Variants in SCAPER observed in about 807,000 individuals in gnomAD.
SCAPER encodes the protein S-phase cyclin A associated protein in the ER, also known as S phase cyclin A-associated protein in the endoplasmic reticulum.
SCAPER carries 98 observed loss-of-function variants against 182.2 expected under a neutral mutation model. That is an observed-to-expected ratio of 0.54 (90% CI 0.46 to 0.64). The LOEUF (loss-of-function observed/expected upper bound fraction) is 0.64. SCAPER is among the 30% of genes least tolerant of loss of function. SCAPER has a pLI of 0.00. For synonymous variants in SCAPER, 605 were observed against 564.6 expected (o/e 1.07, Z -1.01); for missense variants, 1,432 against 1,690.0 (o/e 0.85, Z 2.68).
chr15:76,800,440 T>C, intron 6 of SCAPER, 76 bp from the exon 7 acceptor site: 3 of 927,936 alleles, frequency 3.2e-6, no homozygotes, highest in East Asian at 2.4e-5. Context: ...TCTTGGTTGT[T>C]AGTGGCTGAA....
chr15:76,388,488 A>G (rs1244013042), intron 27 of SCAPER, among the ~76,000 whole-genome samples: 1 of 152,154 alleles, frequency 6.6e-6, no homozygotes, highest in East Asian at 1.9e-4. Flanking sequence ...GAGAACATCT[A>G]AAAGTGAAGT....
At chr15:76,470,514 T>A (rs157780) in intron 25 of SCAPER, among the ~76,000 whole-genome samples, 1 of 152,208 alleles carries the variant, frequency 6.6e-6, no homozygotes, top group Non-Finnish European at 1.5e-5. Context: ...AAAAGTACAT[T>A]GGTTCTGAAA....
At chr15:76,493,062 G>A (rs2052483302) in intron 24 of SCAPER, among the ~76,000 whole-genome samples, 1 of 152,002 alleles carries the variant, frequency 6.6e-6, no homozygotes, top group South Asian at 2.1e-4. Context: ...GGGATAGTAG[G>A]GAGAACCACC....
intron 20 of SCAPER, among the ~76,000 whole-genome samples, chr15:76,698,336 A>T (rs573942387): frequency 1.3e-5 from 2 of 152,314 alleles, no homozygotes; most frequent in Admixed American, 6.5e-5. Context: ...AATAACCTTA[A>T]CTATATGTCA....
At chr15:76,543,803 C>G (rs1456143609) in intron 23 of SCAPER, among the ~76,000 whole-genome samples, 1 of 152,114 alleles carries the variant, frequency 6.6e-6, no homozygotes, top group Non-Finnish European at 1.5e-5. Flanking sequence ...AGATATGACA[C>G]CAAAACCATC....
intron 21 of SCAPER, among the ~76,000 whole-genome samples, chr15:76,646,961 C>T (rs2054599337): frequency 6.6e-6 from 1 of 152,154 alleles, no homozygotes; most frequent in Admixed American, 6.5e-5. Flanking sequence ...GGCAGACCAT[C>T]ATGCCTTGAG....
chr15:76,561,419 C>A (rs955441225), intron 23 of SCAPER, among the ~76,000 whole-genome samples: 1 of 151,960 alleles, frequency 6.6e-6, no homozygotes, highest in African/African-American at 2.4e-5. Context: ...TATATACTAC[C>A]TTTCTTCAAG....
intron 26 of SCAPER, among the ~76,000 whole-genome samples, chr15:76,423,986 AGTTT>A (rs2046239765): frequency 6.6e-6 from 1 of 152,164 alleles, no homozygotes; most frequent in African/African-American, 2.4e-5. Flanking sequence ...TCTGAGAGAC[AGTTT>A]GTTATAATTT....
chr15:76,834,549 C>T (rs1167694819), intron 5 of SCAPER, among the ~76,000 whole-genome samples: 1 of 151,954 alleles, frequency 6.6e-6, no homozygotes, highest in East Asian at 1.9e-4. Flanking sequence ...CACCACCATA[C>T]TAATAAGGAA....
intron 27 of SCAPER, among the ~76,000 whole-genome samples, chr15:76,390,997 T>A (rs984402891): frequency 5.3e-5 from 8 of 152,184 alleles, no homozygotes; most frequent in Non-Finnish European, 1.2e-4. Flanking sequence ...CTGTTTAAAA[T>A]CCTCCAGTGG....
chr15:76,387,778 A>G (rs1213433374), intron 27 of SCAPER, among the ~76,000 whole-genome samples: 1 of 152,218 alleles, frequency 6.6e-6, no homozygotes, highest in Non-Finnish European at 1.5e-5. Flanking sequence ...AAAACAGGAG[A>G]AAATATACAC....
chr15:76,883,623 G>A (rs1285889168), intron 2 of SCAPER, among the ~76,000 whole-genome samples, 189 bp downstream of exon 2: 3 of 152,190 alleles, frequency 2.0e-5, no homozygotes, highest in Non-Finnish European at 2.9e-5. Flanking sequence ...CAAGCCTGAG[G>A]AGCAGCAGGG....
chr15:76,373,932 A>G (rs16968148), intron 29 of SCAPER, among the ~76,000 whole-genome samples: 1,598 of 151,454 alleles, frequency 0.011, 37 homozygotes, highest in African/African-American at 0.037. Flanking sequence ...TTCTCAGGAA[A>G]GCAATTTCAG....
intron 17 of SCAPER, among the ~76,000 whole-genome samples, chr15:76,726,589 C>G (rs1192078723): frequency 6.6e-6 from 1 of 151,922 alleles, no homozygotes; most frequent in African/African-American, 2.4e-5. Context: ...AAGGTAGAAG[C>G]AACTCAAGTT....
At chr15:76,649,254 C>T (rs1199421869) in intron 21 of SCAPER, among the ~76,000 whole-genome samples, 1 of 152,098 alleles carries the variant, frequency 6.6e-6, no homozygotes, top group Non-Finnish European at 1.5e-5. Context: ...CTTCAATAGT[C>T]AGACTCAGTC....
chr15:76,570,995 G>T (rs1157370531), intron 23 of SCAPER, among the ~76,000 whole-genome samples: 1 of 152,062 alleles, frequency 6.6e-6, no homozygotes, highest in African/African-American at 2.4e-5. Flanking sequence ...TCATGATTAT[G>T]TGATGGAGTA....
chr15:76,755,361 G>GA (rs1483843826), intron 14 of SCAPER, among the ~76,000 whole-genome samples: 2 of 152,134 alleles, frequency 1.3e-5, no homozygotes, highest in Non-Finnish European at 2.9e-5. Context: ...GTATTCAACA[G>GA]AATCGTGTGC....
In SCAPER at chr15:76,771,914, C is replaced by T. The variant is rs1240923916; in HGVS notation, c.1076G>A (p.Ser359Asn). 1.9e-6 allele frequency: 3 copies of T among 1,612,260 alleles called. No individual in the cohort carries two copies. The highest frequency in any genetic ancestry group is 3.3e-5 in the Admixed American group (2 of 60,006). ...STLDDVKNSGSIRDNYVRTSE... is the reference protein window; with the variant it reads ...STLDDVKNSGNIRDNYVRTSE... ...AGTTCGAACATAATTGTCTCGAATA[C>T]TGCCAGAATTCTTCACATCATCCAA... The change falls in exon 10 of 32, where the codon AGT becomes AAT. Residue 359 changes from serine to asparagine, a missense_variant. Transcript: ENST00000563290.
intron 27 of SCAPER, among the ~76,000 whole-genome samples, chr15:76,383,090 G>A (rs544909246): frequency 8.9e-5 from 3 of 33,596 alleles, no homozygotes; most frequent in East Asian, 2.8e-3. Flanking sequence ...GTATAGGTGT[G>A]TGTGTGTGTG....
Sources: gnomAD v4.1 joint callset for allele counts (sites outside exome capture counted in the v4.1 genomes callset) on GRCh38, gnomAD v4.1.1 for gene constraint, MANE v1.5 for transcripts, NCBI Gene and HGNC (gene_info 2026-07-23, HGNC 2026-07-21) for gene names.